ARFIP1: variants seen among roughly 807,000 people sequenced by gnomAD.
The protein encoded by ARFIP1 is arfaptin-1.
In ARFIP1, 24 loss-of-function variants were observed where a neutral mutation model predicts 42.5. The ratio of observed to expected loss-of-function variants is 0.57; its 90% CI spans 0.41 to 0.80. The LOEUF (loss-of-function observed/expected upper bound fraction) is 0.80, where lower values mean the gene tolerates loss of function less well. ARFIP1 is among the 30% of genes least tolerant of loss of function. The pLI, the probability that ARFIP1 is intolerant of heterozygous loss-of-function variation, is 0.00. For synonymous variants in ARFIP1, 141 were observed against 153.7 expected (o/e 0.92, Z 0.61); for missense variants, 354 against 434.0 (o/e 0.82, Z 1.64).
At chr4:152,905,046 T>G (rs373609108) in intron 8 of ARFIP1, among the ~76,000 whole-genome samples, 1 of 152,224 alleles carries the variant, frequency 6.6e-6, no homozygotes, top group Non-Finnish European at 1.5e-5. Context: ...CTCCACAGCC[T>G]TCCCAGCATC....
intron 2 of ARFIP1, among the ~76,000 whole-genome samples, chr4:152,847,026 A>G (rs1732587167): frequency 6.7e-6 from 1 of 150,364 alleles, no homozygotes; most frequent in South Asian, 2.1e-4. Flanking sequence ...TTAGCTTTAC[A>G]CTCAATATTC....
intron 8 of ARFIP1, among the ~76,000 whole-genome samples, chr4:152,899,449 G>A (rs994880824): frequency 1.3e-5 from 2 of 152,142 alleles, no homozygotes; most frequent in South Asian, 2.1e-4. Context: ...GGTTAATAAC[G>A]ATCTCCCAAC....
At chr4:152,804,402 A>AATATAACATGTATTATATATTATATATG (rs1728806973) in intron 1 of ARFIP1, among the ~76,000 whole-genome samples, 4 of 106,148 alleles carry the variant, frequency 3.8e-5, no homozygotes, top group African/African-American at 1.5e-4. Context: ...TATTATATAT[A>AATATAACATGTATTATATATTATATATG]ATATAACATG....
intron 8 of ARFIP1, among the ~76,000 whole-genome samples, chr4:152,902,630 G>C (rs6827983): frequency 0.95 from 144,171 of 152,320 alleles, 68,750 homozygotes; most frequent in East Asian, 1. Context: ...ACCAAAAATA[G>C]CTGAAATACC....
intron 2 of ARFIP1, among the ~76,000 whole-genome samples, chr4:152,842,212 G>A (rs1380190426): frequency 2.0e-5 from 3 of 151,928 alleles, no homozygotes; most frequent in East Asian, 3.9e-4. Flanking sequence ...TGAGAGCACA[G>A]CAGGAGGGAC....
chr4:152,862,455 A>C (rs926648011), intron 2 of ARFIP1, among the ~76,000 whole-genome samples: 3 of 152,158 alleles, frequency 2.0e-5, no homozygotes, highest in African/African-American at 7.2e-5. Flanking sequence ...GGTTTAAAAA[A>C]AAAAAAAGGA....
At chr4:152,782,040 C>T (rs1397133097) in intron 1 of ARFIP1, among the ~76,000 whole-genome samples, 1 of 152,108 alleles carries the variant, frequency 6.6e-6, no homozygotes, top group African/African-American at 2.4e-5. Context: ...TTAGTGAAAA[C>T]AGGTTTTGTG....
intron 1 of ARFIP1, among the ~76,000 whole-genome samples, chr4:152,817,615 A>G (rs533395430): frequency 3.9e-5 from 6 of 152,370 alleles, no homozygotes; most frequent in Admixed American, 2.0e-4. Flanking sequence ...TTGGACTAGA[A>G]AATGAAAAAC....
intron 2 of ARFIP1, among the ~76,000 whole-genome samples, chr4:152,833,791 C>T (rs141326283): frequency 2.0e-5 from 3 of 152,214 alleles, no homozygotes; most frequent in East Asian, 3.9e-4. Flanking sequence ...AAGACAAATA[C>T]GGCATGATTC....
At chr4:152,794,254 A>C (rs909852590) in intron 1 of ARFIP1, among the ~76,000 whole-genome samples, 3 of 152,220 alleles carry the variant, frequency 2.0e-5, no homozygotes, top group African/African-American at 7.2e-5. Flanking sequence ...AGGAACTCAC[A>C]TTGAATTTAG....
intron 6 of ARFIP1, among the ~76,000 whole-genome samples, 181 bp from the exon 7 acceptor site, chr4:152,882,542 T>C (rs1735928279): frequency 6.6e-6 from 1 of 152,198 alleles, no homozygotes; most frequent in South Asian, 2.1e-4. Flanking sequence ...TTATTAGACT[T>C]TTTCAGTAAT....
chr4:152,809,537 G>A (rs1488971877), intron 1 of ARFIP1: 4 of 152,152 alleles, frequency 2.6e-5, no homozygotes, highest in Admixed American at 6.5e-5. Context: ...GTTGATAATC[G>A]TTGGCATGTA....
chr4:152,885,203 C>A (rs975310024), intron 7 of ARFIP1, among the ~76,000 whole-genome samples: 1 of 152,076 alleles, frequency 6.6e-6, no homozygotes, highest in African/African-American at 2.4e-5. Context: ...GAATTTCCTT[C>A]TCTGTCAAAG....
At chr4:152,809,281 A>G (rs1729260387) in intron 1 of ARFIP1, among the ~76,000 whole-genome samples, 1 of 152,170 alleles carries the variant, frequency 6.6e-6, no homozygotes, top group African/African-American at 2.4e-5. Context: ...GGCCATTCAT[A>G]TGGGTCCTGA....
At position 152,905,549 on chromosome 4, in the gene ARFIP1, T is replaced by TTTTTTTTTTTG. The variant is rs1579053170; in HGVS notation, c.967-4505_967-4504insGTTTTTTTTTT. ...TCTTACTGAATTGTAAGAATTGTTT[T>TTTTTTTTTTTG]TTTTTTTTTTTTTTTTTTTTTGAGA... On this transcript the variant is annotated intron_variant, in intron 8 of 8. Coordinates refer to ENST00000353617, the MANE Select transcript of ARFIP1 (RefSeq NM_001025595.3). Among the ~76,000 whole-genome samples, 11 of 104,078 alleles carry TTTTTTTTTTTG rather than the reference T, an allele frequency of 1.1e-4. No individual in the cohort carries two copies. The East Asian group carries it at 1.6e-3, about 16-fold the overall frequency. The allele number at this position is 104,078 out of a possible 152,430, so 68.3% of individuals were successfully genotyped here. A position where few individuals can be genotyped will look rare whatever the true frequency, so the allele number is the denominator to read the frequency against.
chr4:152,804,280 C>CATGTATTATATATAATATATAAT (rs1728760614), intron 1 of ARFIP1, among the ~76,000 whole-genome samples: 3 of 55,912 alleles, frequency 5.4e-5, no homozygotes, highest in African/African-American at 2.9e-4. Flanking sequence ...ATATATATAA[C>CATGTATTATATATAATATATAAT]ATAACATGTA....
intron 7 of ARFIP1, chr4:152,883,239 C>T (rs775828120): frequency 5.9e-5 from 12 of 202,688 alleles, no homozygotes; most frequent in Middle Eastern, 3.7e-3. Context: ...CCAAACCCTG[C>T]CTTCTAGTGA....
At chr4:152,847,867 T>C (rs113825036) in intron 2 of ARFIP1, among the ~76,000 whole-genome samples, 2 of 152,344 alleles carry the variant, frequency 1.3e-5, no homozygotes, top group African/African-American at 4.8e-5. Context: ...AATGGAATTT[T>C]TCCCGTGGAA....
rs1429350916 is a variant in ARFIP1 at position 152,905,549 on chromosome 4, T to TTTTTTTTG, written c.967-4508_967-4507insGTTTTTTT. 3.2e-4 allele frequency among the ~76,000 whole-genome samples: 33 copies of TTTTTTTTG among 104,070 alleles called. 2 individuals carry two copies. The highest frequency in any genetic ancestry group is 1.1e-3 in the African/African-American group (32 of 28,064). 68.3% of individuals were successfully genotyped at this position (104,070 alleles called of 152,430 possible). A position where few individuals can be genotyped will look rare whatever the true frequency, so the allele number is the denominator to read the frequency against. On this transcript the variant is annotated intron_variant, in intron 8 of 8. Transcript: ENST00000353617. ...TCTTACTGAATTGTAAGAATTGTTT[T>TTTTTTTTG]TTTTTTTTTTTTTTTTTTTTTGAGA...
Sources: gnomAD v4.1 joint callset for allele counts (sites outside exome capture counted in the v4.1 genomes callset) on GRCh38, gnomAD v4.1.1 for gene constraint, MANE v1.5 for transcripts, NCBI Gene and HGNC (gene_info 2026-07-23, HGNC 2026-07-21) for gene names.